Variants in PTPRU observed in about 807,000 individuals in gnomAD.
The protein encoded by PTPRU is protein tyrosine phosphatase receptor type U.
PTPRU carries 69 observed loss-of-function variants against 166.3 expected under a neutral mutation model. The ratio of observed to expected loss-of-function variants is 0.41; its 90% confidence interval spans 0.34 to 0.51. The LOEUF (loss-of-function observed/expected upper bound fraction) is 0.51. PTPRU is among the 20% of genes least tolerant of loss of function. The pLI is 0.09. For missense variants in PTPRU, 1,657 were observed against 2,013.7 expected (o/e 0.82, Z 3.39); for synonymous variants, 793 against 814.0 (o/e 0.97, Z 0.44).
In PTPRU at chr1:29,315,268, C is replaced by T; in HGVS notation, c.3228-104C>T. The stretch of plus-strand genomic sequence containing the variant: ...GGGCAGTCATCTCTGTGTCCGTGTC[C>T]CCTGTATGGTGTAGACATGGCCAGT... On this transcript the variant is annotated intron_variant, in intron 22 of 29. Coordinates refer to ENST00000373779, the MANE Select transcript of PTPRU (RefSeq NM_133178.4). This position sits in a 1 kb window ranked among gnomAD's most constrained non-coding sequence, Gnocchi z 4.5. 2.1e-6 allele frequency: 3 copies of T among 1,431,596 alleles called. No individual in the cohort carries two copies. Among genetic ancestry groups the T allele is most frequent in the South Asian group, 1.2e-5 (1 of 81,418 alleles). The allele number at this position is 1,431,596 out of a possible 1,614,324, so 88.7% of individuals were successfully genotyped here. A position where few individuals can be genotyped will look rare whatever the true frequency, so the allele number is the denominator to read the frequency against.
rs1230822495 is a variant in PTPRU at position 29,321,347 on chromosome 1, G to T, written c.3828+522G>T. On this transcript the variant is annotated intron_variant, in intron 26 of 29. Transcript: ENST00000373779. Reference sequence around the variant, plus strand: ...TGAGCCACTGCCTCTGGCCACAGTTGCTCTTTATTGGCCCCCTGCTAAGCC... The same window carrying T: ...TGAGCCACTGCCTCTGGCCACAGTTTCTCTTTATTGGCCCCCTGCTAAGCC... Among the ~76,000 whole-genome samples, 3 of 152,114 alleles carry T rather than the reference G, an allele frequency of 2.0e-5. No individual in the cohort carries two copies. The East Asian group carries it at 5.8e-4, about 29-fold the overall frequency.
chr1:29,280,188 G>C lies in PTPRU; in HGVS notation c.1868+47G>C. 2.6e-6 allele frequency: 4 copies of C among 1,524,818 alleles called. No individual in the cohort carries two copies. Among genetic ancestry groups the C allele is most frequent in the Non-Finnish European group, 3.6e-6 (4 of 1,103,496 alleles). 94.5% of individuals were successfully genotyped at this position (1,524,818 alleles called of 1,614,324 possible). On this transcript the variant is annotated intron_variant, in intron 11 of 29. Transcript: ENST00000373779. This position sits in a 1 kb window ranked among gnomAD's most constrained non-coding sequence, Gnocchi z 4.2. ...GGTGGGAGTCCAGGGCCTTAGGAAA[G>C]AGGCCCCTCCTCTGACCCAGAGCCC...
chr1:29,258,492 CCT>C lies in PTPRU; in HGVS notation c.206-8_206-7del, dbSNP rs770894266. The C allele has an allele frequency of 2.5e-6, 4 of 1,610,956 alleles. No individual in the cohort carries two copies. Among genetic ancestry groups the C allele is most frequent in the Non-Finnish European group, 3.4e-6 (4 of 1,178,292 alleles). On this transcript the variant is annotated splice_polypyrimidine_tract_variant and intron_variant, in intron 2 of 29. Coordinates refer to ENST00000373779, the MANE Select transcript of PTPRU (RefSeq NM_133178.4). ...GTCTCCTCATCTCCTGCCTCTTCCT[CCT>C]CTCTTTCCAGGCTCCTACTTGATGG... is the stretch of plus-strand genomic sequence containing the variant.
At chr1:29,275,368 G>T in intron 7 of PTPRU, 80 bp from the exon 8 acceptor site, 1 of 1,407,250 alleles carries the variant, frequency 7.1e-7, no homozygotes. Flanking sequence ...GCAGCTGACT[G>T]ATGCTTTCTC....
chr1:29,289,759 G>T lies in PTPRU; in HGVS notation c.2319-2110G>T, dbSNP rs369102650. The T allele has an allele frequency of 1.3e-5, 20 of 1,598,480 alleles. No individual in the cohort carries two copies. In the African/African-American group the frequency reaches 2.5e-4, roughly 20 times the overall value. On this transcript the variant is annotated intron_variant, in intron 14 of 29. Coordinates refer to ENST00000373779, the MANE Select transcript of PTPRU (RefSeq NM_133178.4). Reference sequence around the variant, plus strand: ...GGGAGTCCCCGGCCCTGCCTAGGGGGAGATCCCCTGTCCCCGCCTTCTCTG... The same window carrying T: ...GGGAGTCCCCGGCCCTGCCTAGGGGTAGATCCCCTGTCCCCGCCTTCTCTG...
At position 29,258,723 on chromosome 1, in the gene PTPRU, C is replaced by G. The variant is rs1684884755; in HGVS notation, c.424C>G (p.Gln142Glu). 3 of 1,608,614 alleles carry G rather than the reference C, an allele frequency of 1.9e-6. No homozygotes were observed. The highest frequency in any genetic ancestry group is 1.7e-5 in the Admixed American group (1 of 59,412). ...GAATATGACTGGATCCCACGGCCGT[C>G]AGTGGCACCAGGCTGAGCTGGCTGT... is the stretch of plus-strand genomic sequence containing the variant. Reference protein sequence around the residue: ...VWNMTGSHGRQWHQAELAVST... With the variant: ...VWNMTGSHGREWHQAELAVST... The change falls in exon 3 of 30, where the codon CAG (glutamine) becomes GAG (glutamate). Residue 142 changes from glutamine (Q) to glutamate (E), a missense_variant. Physicochemically the swap from Gln to Glu is conservative, Grantham distance 29 (BLOSUM62 2). Transcript: ENST00000373779.
intron 14 of PTPRU, chr1:29,289,817 C>A: frequency 7.5e-7 from 1 of 1,331,714 alleles, no homozygotes; most frequent in Non-Finnish European, 1.1e-6. Flanking sequence ...CCAGCCTGGC[C>A]TGGTGTCCAC....
At chr1:29,275,777 T>C in intron 8 of PTPRU, 21 bp downstream of exon 8, 2 of 1,608,684 alleles carry the variant, frequency 1.2e-6, no homozygotes, top group Non-Finnish European at 1.7e-6. Context: ...CAGTCCCAAT[T>C]CCCGGGGCCC....
At position 29,257,648 on chromosome 1, in the gene PTPRU, G is replaced by C. The variant is rs1332524267; in HGVS notation, c.206-857G>C. Among the ~76,000 whole-genome samples, 1 of 152,236 alleles carries C rather than the reference G, an allele frequency of 6.6e-6. No individual in the cohort carries two copies. Reference sequence around the variant, plus strand: ...TCCAGGAATTTAGACTCAGGGATGGGGGCTGGAAGGGAAGTTGGAATCCTT... The same window carrying C: ...TCCAGGAATTTAGACTCAGGGATGGCGGCTGGAAGGGAAGTTGGAATCCTT... On this transcript the variant is annotated intron_variant, in intron 2 of 29. Coordinates refer to ENST00000373779, the MANE Select transcript of PTPRU (RefSeq NM_133178.4). This position sits in a 1 kb window ranked among gnomAD's most constrained non-coding sequence, Gnocchi z 4.6.
At chr1:29,300,386 T>G (rs191832401) in intron 15 of PTPRU, among the ~76,000 whole-genome samples, 1 of 152,232 alleles carries the variant, frequency 6.6e-6, no homozygotes, top group Non-Finnish European at 1.5e-5. Context: ...CGAGAGGTCT[T>G]GCAGGGAAGA....
At chr1:29,251,685 A>G (rs534321258) in intron 1 of PTPRU, among the ~76,000 whole-genome samples, 61 of 152,296 alleles carry the variant, frequency 4.0e-4, no homozygotes, top group Non-Finnish European at 6.8e-4. Context: ...CTCAGGATGA[A>G]CAAGAGGAAG....
chr1:29,310,895 C>T, intron 19 of PTPRU, 115 bp downstream of exon 19: 1 of 1,283,168 alleles, frequency 7.8e-7, no homozygotes, highest in Non-Finnish European at 1.1e-6. Flanking sequence ...GAATGTCTCC[C>T]CACCGTCGCC....
In PTPRU at chr1:29,316,171, G is replaced by A. The variant is rs969612926; in HGVS notation, c.3513+20G>A. On this transcript the variant is annotated intron_variant, in intron 24 of 29. Transcript: ENST00000373779. The stretch of plus-strand genomic sequence containing the variant: ...TTCCAGGTGGGGGATGAGTGCGTGT[G>A]TATAGGTGTGTGTGTGTGTGTCTGT... The A allele has an allele frequency of 7.5e-6, 12 of 1,609,142 alleles. No homozygotes were observed. The highest frequency in any genetic ancestry group is 1.8e-4 in the Middle Eastern group (1 of 5,518).
At position 29,320,319 on chromosome 1, in the gene PTPRU, T is replaced by C. The variant is rs999091682; in HGVS notation, c.3688-366T>C. ...GTGAGGGAGACAGCCATATAGACAT[T>C]TGGGAAATTTGGCCTAGGCAGCCAA... is the stretch of plus-strand genomic sequence containing the variant. On this transcript the variant is annotated intron_variant, in intron 25 of 29. Coordinates refer to ENST00000373779, the MANE Select transcript of PTPRU (RefSeq NM_133178.4). This position sits in a 1 kb window ranked among gnomAD's most constrained non-coding sequence, Gnocchi z 5.2. 3 of 192,770 alleles carry C rather than the reference T, an allele frequency of 1.6e-5. No homozygotes were observed. The highest frequency in any genetic ancestry group is 3.2e-5 in the Non-Finnish European group (3 of 95,130). 11.9% of individuals were successfully genotyped at this position (192,770 alleles called of 1,614,324 possible).
chr1:29,274,911 G>A (rs1482698387), intron 7 of PTPRU, among the ~76,000 whole-genome samples: 2 of 151,986 alleles, frequency 1.3e-5, no homozygotes, highest in African/African-American at 2.4e-5. Flanking sequence ...TTAGCCAGGC[G>A]TGGTGGTGTA....
chr1:29,308,564 C>T (rs1373582250), intron 18 of PTPRU, among the ~76,000 whole-genome samples: 2 of 29,864 alleles, frequency 6.7e-5, no homozygotes, highest in Non-Finnish European at 9.5e-5. Context: ...CAGTCCCTGT[C>T]TCAAAAAAAA....
chr1:29,323,665 A>G lies in PTPRU; in HGVS notation c.3989A>G (p.Gln1330Arg). The G allele has an allele frequency of 1.2e-6, 2 of 1,614,068 alleles. No homozygotes were observed. The highest frequency in any genetic ancestry group is 4.5e-5 in the East Asian group (2 of 44,864). ...GGGCACCTGCTGGTGCGGCACTTCC[A>G]GTTCCTGCGCTGGTCTGCATACCGG... ...QEGHLLVRHFQFLRWSAYRDT... is the reference protein window; with the variant it reads ...QEGHLLVRHFRFLRWSAYRDT... The change falls in exon 28 of 30, where the codon CAG becomes CGG. Residue 1330 changes from glutamine (Q) to arginine (R), a missense_variant. Gln to Arg is a conservative substitution (Grantham distance 43). Around this residue, in one of 3 missense-constraint regions of PTPRU, gnomAD observed 1,190 missense variants for 1,477.4 expected, o/e 0.81. Coordinates refer to ENST00000373779, the MANE Select transcript of PTPRU (RefSeq NM_133178.4).
At chr1:29,255,189 A>C in intron 1 of PTPRU, 86 bp from the exon 2 acceptor site, 1 of 1,475,100 alleles carries the variant, frequency 6.8e-7, no homozygotes. Context: ...GGGCCTGGGT[A>C]GAAGGGAGAG....
At chr1:29,319,001 C>T (rs1413115259) in intron 25 of PTPRU, among the ~76,000 whole-genome samples, 1 of 152,198 alleles carries the variant, frequency 6.6e-6, no homozygotes, top group East Asian at 1.9e-4. Flanking sequence ...CGGGGGACAG[C>T]GGGGTTTCTT....
Sources: allele counts gnomAD v4.1 joint callset (sites outside exome capture counted in the v4.1 genomes callset), GRCh38; gene constraint gnomAD v4.1.1; regional missense constraint gnomAD v4.1.1; non-coding constraint Gnocchi (gnomAD v3.1); transcripts MANE v1.5; gene names NCBI Gene and HGNC (gene_info 2026-07-23, HGNC 2026-07-21).